UBXN2A: variants seen among roughly 807,000 people sequenced by gnomAD.
The protein encoded by UBXN2A is UBX domain protein 2A, also known as UBX domain-containing protein 2A.
A neutral mutation model predicts 28.4 loss-of-function variants in UBXN2A; 28 were observed. The observed-to-expected ratio is 0.99, with a 90% CI of 0.73 to 1.35. The LOEUF (loss-of-function observed/expected upper bound fraction) is 1.35, where lower values mean the gene tolerates loss of function less well. Ranked by LOEUF, UBXN2A falls within the 40% of genes most tolerant of loss-of-function variation. UBXN2A has a pLI of 0.00. For synonymous variants in UBXN2A, 97 were observed against 103.6 expected (o/e 0.94, Z 0.39); for missense variants, 253 against 297.9 (o/e 0.85, Z 1.11).
chr2:23,999,742 A>G lies in UBXN2A; in HGVS notation c.655A>G (p.Thr219Ala), dbSNP rs1409236006. 1 of 1,614,184 alleles carries G rather than the reference A, an allele frequency of 6.2e-7. No individual in the cohort carries two copies. The highest frequency in any genetic ancestry group is 8.5e-7 in the Non-Finnish European group (1 of 1,180,042). Residue 219 changes from threonine to alanine, a missense_variant, in exon 7 of 7, where the codon ACA becomes GCA. Physicochemically the swap from Thr to Ala is moderately conservative, Grantham distance 58. Transcript: ENST00000309033. Reference sequence around the variant, plus strand: ...AAGAAGTCCTCCGTTTTCCCTGGCAACAGCTCTTCCTGTCCTCAGGTTGCT... The same window carrying G: ...AAGAAGTCCTCCGTTTTCCCTGGCAGCAGCTCTTCCTGTCCTCAGGTTGCT... ...SQRSPPFSLA[T>A]ALPVLRLLDE... is the part of the protein sequence containing the mutation.
chr2:23,934,877 C>T (rs566899925), intron 1 of UBXN2A, among the ~76,000 whole-genome samples: 11 of 152,224 alleles, frequency 7.2e-5, no homozygotes, highest in African/African-American at 2.6e-4. Flanking sequence ...AGTTCAAGAC[C>T]AGCCTGGCCA....
Position 23,968,181 on chromosome 2 carries a change from C to T in UBXN2A, c.42-3095C>T, listed in dbSNP as rs997590278. Among the ~76,000 whole-genome samples the T allele has an allele frequency of 3.1e-4, 47 of 152,166 alleles. 1 individual carries two copies. Among genetic ancestry groups the T allele is most frequent in the African/African-American group, 1.1e-3 (46 of 41,442 alleles). The stretch of plus-strand genomic sequence containing the variant: ...TTGAGTTCAGTTCCTAGCACTGCCT[C>T]CTAGTAGCTTTGTGGTCTCTGGCAA... On this transcript the variant is annotated intron_variant, in intron 2 of 6. Coordinates refer to ENST00000309033, the MANE Select transcript of UBXN2A (RefSeq NM_181713.4).
chr2:23,943,881 C>A, intron 1 of UBXN2A: 3 of 398,042 alleles, frequency 7.5e-6, no homozygotes, highest in South Asian at 6.6e-5. Context: ...TTGGAGTGGT[C>A]ATTGCCTCCG....
chr2:23,945,749 A>G (rs548023826), intron 1 of UBXN2A, among the ~76,000 whole-genome samples: 1 of 152,044 alleles, frequency 6.6e-6, no homozygotes, highest in South Asian at 2.1e-4. Flanking sequence ...ACCATGAAAT[A>G]TATGTTTTAA....
Position 23,964,657 on chromosome 2 carries a change from A to G in UBXN2A, c.41+6302A>G, listed in dbSNP as rs901206775. ...ATAAGGTTTCAGTTAAGCAAGATGA[A>G]TAGGTCCTAGAGATATGCTGAACAA... On this transcript the variant is annotated intron_variant, in intron 2 of 6. Transcript: ENST00000309033. 2.0e-5 allele frequency among the ~76,000 whole-genome samples: 3 copies of G among 152,334 alleles called. No homozygotes were observed. In the East Asian group the frequency reaches 5.8e-4, roughly 29 times the overall value.
intron 2 of UBXN2A, among the ~76,000 whole-genome samples, chr2:23,963,236 G>A (rs758581743): frequency 2.0e-5 from 3 of 151,988 alleles, no homozygotes; most frequent in South Asian, 2.1e-4. Flanking sequence ...GGAAGAAAAC[G>A]CCGGGCGCAG....
At chr2:23,963,032 T>A (rs535705069) in intron 2 of UBXN2A, among the ~76,000 whole-genome samples, 1 of 152,216 alleles carries the variant, frequency 6.6e-6, no homozygotes, top group Non-Finnish European at 1.5e-5. Context: ...AGAGAGAGTT[T>A]GTGCAGGGGA....
Position 23,999,923 on chromosome 2 carries a change from G to A in UBXN2A, c.*56G>A. The A allele has an allele frequency of 3.8e-6, 6 of 1,567,402 alleles. No individual in the cohort carries two copies. The highest frequency in any genetic ancestry group is 5.2e-6 in the Non-Finnish European group (6 of 1,153,314). On this transcript the variant is annotated 3_prime_UTR_variant, in exon 7 of 7. Coordinates refer to ENST00000309033, the MANE Select transcript of UBXN2A (RefSeq NM_181713.4). ...AGAAATGATGGTTGTAAGTGGACAT[G>A]CAAACCAAAATTGGGGATTGGAGAA...
rs923457195 is a variant in UBXN2A at position 23,947,846 on chromosome 2, A to AT, written c.-15+7207dup. Reference sequence around the variant, plus strand: ...GGGTGGTTCAATAAGTATATAAAACATTTTTTTTTAAGTTTTTGTTTTTTT... The same window carrying AT: ...GGGTGGTTCAATAAGTATATAAAACATTTTTTTTTTAAGTTTTTGTTTTTTT... On this transcript the variant is annotated intron_variant, in intron 1 of 6. Transcript: ENST00000309033. Among the ~76,000 whole-genome samples the AT allele has an allele frequency of 4.6e-5, 7 of 151,436 alleles. No individual in the cohort carries two copies. In the East Asian group the frequency reaches 7.7e-4, roughly 17 times the overall value.
intron 2 of UBXN2A, among the ~76,000 whole-genome samples, chr2:23,961,539 CTTTTTTT>C (rs71395167): frequency 3.9e-5 from 2 of 51,272 alleles, no homozygotes; most frequent in Non-Finnish European, 6.8e-5. Context: ...AGAAAACTGC[CTTTTTTT>C]TTTTTTTTTT....
chr2:23,975,848 A>G (rs563085897), intron 3 of UBXN2A, among the ~76,000 whole-genome samples: 36 of 151,640 alleles, frequency 2.4e-4, no homozygotes, highest in African/African-American at 7.7e-4. Flanking sequence ...CTGGTCTTGA[A>G]CTCCTGACCT....
intron 2 of UBXN2A, among the ~76,000 whole-genome samples, chr2:23,970,330 C>A (rs1258643038): frequency 6.6e-6 from 1 of 152,118 alleles, no homozygotes; most frequent in Admixed American, 6.6e-5. Context: ...ATTTTCTACT[C>A]CAGACCAGTG....
At chr2:23,947,229 A>T (rs1706131806) in intron 1 of UBXN2A, among the ~76,000 whole-genome samples, 1 of 152,174 alleles carries the variant, frequency 6.6e-6, no homozygotes, top group South Asian at 2.1e-4. Flanking sequence ...TAGTAGTCCA[A>T]ATCTATTTTG....
At chr2:23,989,795 C>A (rs551691881) in intron 6 of UBXN2A, among the ~76,000 whole-genome samples, 1 of 152,026 alleles carries the variant, frequency 6.6e-6, no homozygotes, top group South Asian at 2.1e-4. Flanking sequence ...CTCAGATACT[C>A]GGGAGGCTGA....
chr2:23,956,724 C>T (rs1238450564), intron 1 of UBXN2A, among the ~76,000 whole-genome samples: 2 of 152,188 alleles, frequency 1.3e-5, no homozygotes, highest in African/African-American at 2.4e-5. Context: ...TGCCCCAGCC[C>T]TGAAGTTATC....
At chr2:23,988,921 G>T (rs1177661216) in intron 6 of UBXN2A, among the ~76,000 whole-genome samples, 1 of 151,998 alleles carries the variant, frequency 6.6e-6, no homozygotes, top group African/African-American at 2.4e-5. Context: ...CATAATTCTT[G>T]AACATTTCCT....
chr2:23,948,945 C>CTTTTTT (rs777506305), intron 1 of UBXN2A, among the ~76,000 whole-genome samples: 1 of 131,812 alleles, frequency 7.6e-6, no homozygotes, highest in Non-Finnish European at 1.6e-5. Flanking sequence ...TCTCTTGTAG[C>CTTTTTT]TTTTTTTTTT....
chr2:23,982,509 T>C (rs1707954459), intron 4 of UBXN2A, among the ~76,000 whole-genome samples: 1 of 151,434 alleles, frequency 6.6e-6, no homozygotes, highest in Admixed American at 6.6e-5. Flanking sequence ...ATAAAACTCA[T>C]GCTGGTTGGG....
chr2:23,984,979 G>C, intron 6 of UBXN2A, 148 bp downstream of exon 6: 1 of 789,548 alleles, frequency 1.3e-6, no homozygotes, highest in East Asian at 3.5e-5. Context: ...ATAGCTCACT[G>C]CAGTCTTGAA....
Sources: gnomAD v4.1 joint callset for allele counts (sites outside exome capture counted in the v4.1 genomes callset) on GRCh38, gnomAD v4.1.1 for gene constraint, MANE v1.5 for transcripts, NCBI Gene and HGNC (gene_info 2026-07-23, HGNC 2026-07-21) for gene names.